The following STYK1 variants were observed in gnomAD, a reference collection of about 807,000 sequenced individuals.
STYK1 encodes the protein tyrosine-protein kinase STYK1.
Under a neutral mutation model 48.1 loss-of-function variants are expected in STYK1, and 46 were observed. The observed-to-expected ratio is 0.96, with a 90% CI of 0.75 to 1.22. The LOEUF is 1.22. STYK1 is among the 50% of genes most tolerant of loss of function. The pLI is 0.00. For missense variants in STYK1, 527 were observed against 521.1 expected, an observed-to-expected ratio of 1.01 and a Z score of -0.11; for synonymous variants, 188 against 189.0, an observed-to-expected ratio of 0.99 and a Z score of 0.04.
At chr12:10,644,936 A>G (rs983191395) in intron 1 of STYK1, among the ~76,000 whole-genome samples, 2 of 152,198 alleles carry the variant, frequency 1.3e-5, no homozygotes, top group African/African-American at 4.8e-5. Context: ...GAAAGAGGAA[A>G]AAATGAACAA....
Position 10,621,861 on chromosome 12 carries a change from T to C in STYK1, c.1064+15A>G. The C allele has an allele frequency of 3.7e-6, 6 of 1,612,626 alleles. No homozygotes were observed. Among genetic ancestry groups the C allele is most frequent in the Non-Finnish European group, 5.1e-6 (6 of 1,178,824 alleles). ...TTTGGAATGAAAGAGGAGCAGGCCT[T>C]TAAAAACCACTTACATGGTATGTGT... On this transcript the variant is annotated intron_variant, in intron 10 of 10. Transcript: ENST00000075503.
At chr12:10,644,100 G>A (rs1191321305) in intron 1 of STYK1, among the ~76,000 whole-genome samples, 5 of 152,324 alleles carry the variant, frequency 3.3e-5, no homozygotes, top group East Asian at 3.9e-4. Context: ...GTTACATGCT[G>A]TATGGTTCCA....
intron 1 of STYK1, among the ~76,000 whole-genome samples, chr12:10,650,384 G>A (rs1007882639): frequency 1.3e-5 from 2 of 152,144 alleles, no homozygotes; most frequent in East Asian, 3.9e-4. Flanking sequence ...TTACATCAGA[G>A]GATTCTAGTG....
chr12:10,621,665 TGTGA>T (rs1261238131), intron 10 of STYK1, among the ~76,000 whole-genome samples: 2 of 152,038 alleles, frequency 1.3e-5, no homozygotes, highest in African/African-American at 2.4e-5. Context: ...TGTGAGTATG[TGTGA>T]GTGTGTGTAT....
At chr12:10,622,559 G>T (rs1389481407) in intron 9 of STYK1, 79 bp downstream of exon 9, 88 of 1,533,278 alleles carry the variant, frequency 5.7e-5, no homozygotes, top group Non-Finnish European at 7.4e-5. Context: ...CTTTCAGAAA[G>T]CATACATCAT....
chr12:10,666,943 T>A (rs1947840048), intron 1 of STYK1, among the ~76,000 whole-genome samples: 1 of 152,222 alleles, frequency 6.6e-6, no homozygotes, highest in Non-Finnish European at 1.5e-5. Flanking sequence ...ACATGTGTAT[T>A]ACTGAGATTT....
chr12:10,618,978 T>G lies in STYK1; in HGVS notation c.*1166A>C, dbSNP rs1473782155. 1 of 152,208 alleles carries G rather than the reference T, an allele frequency of 6.6e-6. No homozygotes were observed. The highest frequency in any genetic ancestry group is 2.4e-5 in the African/African-American group (1 of 41,442). The allele number at this position is 152,208 out of a possible 1,614,324, so 9.4% of individuals were successfully genotyped here. On this transcript the variant is annotated 3_prime_UTR_variant, in exon 11 of 11. Transcript: ENST00000075503. ...GTTTATTGAGCGCATATGTGCCAGA[T>G]AGTGTACAAATACATACTCAAAACG...
Position 10,663,722 on chromosome 12 carries a change from A to G in STYK1, c.-195+10244T>C, listed in dbSNP as rs1947804288. 1.4e-5 allele frequency among the ~76,000 whole-genome samples: 2 copies of G among 145,522 alleles called. 1 individual carries two copies. The highest frequency in any genetic ancestry group is 1.5e-4 in the Admixed American group (2 of 13,738). ...TCCCTTGCGTTCTCATAAATTTTAGAATCACTTTGACCATTTCGGAAAAAA... is the reference window on the plus strand; with the variant it reads ...TCCCTTGCGTTCTCATAAATTTTAGGATCACTTTGACCATTTCGGAAAAAA... On this transcript the variant is annotated intron_variant, in intron 1 of 10. Transcript: ENST00000075503.
intron 8 of STYK1, among the ~76,000 whole-genome samples, chr12:10,623,581 TCAAA>T (rs976107682): frequency 2.0e-5 from 3 of 152,174 alleles, no homozygotes; most frequent in East Asian, 1.9e-4. Flanking sequence ...TTATCTTCCT[TCAAA>T]CAAAGTTTGA....
chr12:10,629,443 G>A, intron 6 of STYK1, 50 bp downstream of exon 6: 1 of 1,588,680 alleles, frequency 6.3e-7, no homozygotes, highest in South Asian at 1.1e-5. Context: ...TAAAAAGCTA[G>A]TCAACAAGGT....
In STYK1 at chr12:10,629,582, C is replaced by CT; in HGVS notation, c.543dup (p.Gly182ArgfsTer5). On this transcript the variant is annotated frameshift_variant, in exon 6 of 11. Transcript: ENST00000075503. LOFTEE classifies it high-confidence loss of function. ...AGTGGCAGCTTTTCAGTGCAGCAGC[C>CT]TTCCAGCTGCACCAGGTTTTTGTGT... is the stretch of plus-strand genomic sequence containing the variant. The CT allele has an allele frequency of 6.2e-7, 1 of 1,614,178 alleles. No homozygotes were observed. Among genetic ancestry groups the CT allele is most frequent in the South Asian group, 1.1e-5 (1 of 91,080 alleles).
chr12:10,629,357 T>A (rs1174521321), intron 6 of STYK1, 136 bp downstream of exon 6: 1 of 865,146 alleles, frequency 1.2e-6, no homozygotes, highest in Non-Finnish European at 1.8e-6. Context: ...AGTTCTATTA[T>A]ATGGTCATAC....
At chr12:10,650,467 T>A (rs1947650680) in intron 1 of STYK1, among the ~76,000 whole-genome samples, 1 of 152,260 alleles carries the variant, frequency 6.6e-6, no homozygotes, top group Non-Finnish European at 1.5e-5. Context: ...AGAATTTATT[T>A]GTATAACATA....
rs562266398 is a variant in STYK1 at position 10,620,791 on chromosome 12, G to A, written c.1065-443C>T. 9.9e-5 allele frequency among the ~76,000 whole-genome samples: 15 copies of A among 152,254 alleles called. No individual in the cohort carries two copies. In the South Asian group the frequency reaches 3.1e-3, roughly 32 times the overall value. On this transcript the variant is annotated intron_variant, in intron 10 of 10. Transcript: ENST00000075503. ...AGATATCTCCTCATCAAAATGTTAT[G>A]TTCTTTAATACTTGTGCCTAGAAGC...
chr12:10,673,334 G>A (rs1565578258), intron 1 of STYK1, among the ~76,000 whole-genome samples: 1 of 151,860 alleles, frequency 6.6e-6, no homozygotes, highest in South Asian at 2.1e-4. Context: ...CCGAGATCGC[G>A]CCATTGCACT....
rs1044933877 is a variant in STYK1, at chr12:10,656,647, C to CA, written c.-195+17318dup. On this transcript the variant is annotated intron_variant, in intron 1 of 10. Coordinates refer to ENST00000075503, the MANE Select transcript of STYK1 (RefSeq NM_018423.3). ...CTCAAAAAAAACAAAAAACAAAAAA[C>CA]AAAAAAACAAGGGATTAATACAATT... 6.6e-5 allele frequency among the ~76,000 whole-genome samples: 10 copies of CA among 151,994 alleles called. No individual in the cohort carries two copies. The East Asian group carries it at 1.5e-3, about 24-fold the overall frequency.
chr12:10,631,152 T>C lies in STYK1; in HGVS notation c.344A>G (p.Glu115Gly). ...ACCACTGCAAATCTGCTCCAGAACT[T>C]CAGAGAGTTGCTCCCGCGGCACCTG... The part of the protein sequence containing the change: ...KLQVPREQLS[E>G]VLEQICSGSC... Residue 115 changes from glutamate (E) to glycine (G), a missense_variant, in exon 5 of 11, where the codon GAA becomes GGA. Transcript: ENST00000075503. 1 of 1,614,144 alleles carries C rather than the reference T, an allele frequency of 6.2e-7. No homozygotes were observed. The highest frequency in any genetic ancestry group is 8.5e-7 in the Non-Finnish European group (1 of 1,180,018).
In STYK1 at chr12:10,672,914, G is replaced by A. The variant is rs1032744828; in HGVS notation, c.-195+1052C>T. Among the ~76,000 whole-genome samples, 1 of 152,066 alleles carries A rather than the reference G, an allele frequency of 6.6e-6. No homozygotes were observed. Among genetic ancestry groups the A allele is most frequent in the African/African-American group, 2.4e-5 (1 of 41,382 alleles). ...GTGGAGATTCCGGTGCATTGAGGGG[G>A]AAAAACCAGGTAGACAGCACAGAGT... On this transcript the variant is annotated intron_variant, in intron 1 of 10. Transcript: ENST00000075503. The surrounding 1 kb of genome is among the most constrained non-coding windows in gnomAD (Gnocchi z 4.0).
chr12:10,659,219 C>T (rs959534660), intron 1 of STYK1, among the ~76,000 whole-genome samples: 3 of 152,088 alleles, frequency 2.0e-5, no homozygotes, highest in African/African-American at 2.4e-5. Context: ...TTTTCAGAGT[C>T]AAGAACATTT....
Sources: allele counts gnomAD v4.1 joint callset (sites outside exome capture counted in the v4.1 genomes callset), GRCh38; gene constraint gnomAD v4.1.1; non-coding constraint Gnocchi (gnomAD v3.1); transcripts MANE v1.5; gene names NCBI Gene and HGNC (gene_info 2026-07-23, HGNC 2026-07-21).